NCKAP1: variants seen among roughly 807,000 people sequenced by gnomAD.
The protein encoded by NCKAP1 is NCK associated protein 1.
NCKAP1 carries 21 observed loss-of-function variants against 151.2 expected under a neutral mutation model. The ratio of observed to expected loss-of-function variants is 0.14; its 90% confidence interval spans 0.10 to 0.20. The LOEUF (loss-of-function observed/expected upper bound fraction) is 0.20, where lower values mean the gene tolerates loss of function less well. Ranked by LOEUF, NCKAP1 falls within the 10% of genes least tolerant of loss-of-function variation. NCKAP1 has a pLI of 1.00. For missense variants in NCKAP1, 933 were observed against 1,352.1 expected, an observed-to-expected ratio of 0.69 and a Z score of 4.86; for synonymous variants, 484 against 451.8, an observed-to-expected ratio of 1.07 and a Z score of -0.90.
At chr2:182,931,402 A>C (rs922075873) in intron 26 of NCKAP1, among the ~76,000 whole-genome samples, 2 of 152,096 alleles carry the variant, frequency 1.3e-5, no homozygotes, top group African/African-American at 4.8e-5. Context: ...GCGACAAAAA[A>C]CCTTAGTATA....
At chr2:182,936,474 T>C (rs1696878129) in intron 24 of NCKAP1, among the ~76,000 whole-genome samples, 1 of 152,150 alleles carries the variant, frequency 6.6e-6, no homozygotes, top group Admixed American at 6.5e-5. Context: ...ATAATTCCAT[T>C]TATGTAAACT....
chr2:182,951,636 C>A (rs1169933792), intron 23 of NCKAP1, among the ~76,000 whole-genome samples: 637 of 90,384 alleles, frequency 7.0e-3, no homozygotes, highest in African/African-American at 0.013. Context: ...GACTCCATCT[C>A]AAAAAAAAAA....
chr2:182,985,163 A>G (rs1018525117), intron 10 of NCKAP1, among the ~76,000 whole-genome samples: 2 of 152,220 alleles, frequency 1.3e-5, no homozygotes, highest in African/African-American at 2.4e-5. Context: ...CGATGAGTAA[A>G]GATGGTTTAA....
intron 23 of NCKAP1, among the ~76,000 whole-genome samples, chr2:182,944,013 C>G (rs750499386): frequency 1.3e-5 from 2 of 152,122 alleles, no homozygotes; most frequent in Non-Finnish European, 2.9e-5. Flanking sequence ...GGGTCCCAGC[C>G]CCAGAATTTC....
intron 24 of NCKAP1, among the ~76,000 whole-genome samples, chr2:182,939,658 CTG>C (rs1343586737): frequency 6.6e-6 from 1 of 152,056 alleles, no homozygotes; most frequent in Non-Finnish European, 1.5e-5. Flanking sequence ...TGCTTGTTGA[CTG>C]TGAAAAACTC....
Position 183,001,997 on chromosome 2 carries a change from T to G in NCKAP1, c.559A>C (p.Asn187His). ...RLGQMIVDYE[N>H]PLKKMMEEFV... is the part of the protein sequence containing the mutation. ...TCTTCCATCATCTTCTTTAAAGGGT[T>G]TTCATAATCCACAATCATCTGGCCA... Residue 187 changes from asparagine to histidine, a missense_variant, in exon 6 of 31, where the codon AAC (asparagine) becomes CAC (histidine). Physicochemically the swap from Asn to His is moderately conservative, Grantham distance 68. Around this residue, in one of 2 missense-constraint regions of NCKAP1, gnomAD observed 607 missense variants for 795.0 expected, o/e 0.76. Transcript: ENST00000361354. 6.2e-7 allele frequency: 1 copy of G among 1,613,892 alleles called. No homozygotes were observed. The highest frequency in any genetic ancestry group is 1.7e-5 in the Admixed American group (1 of 60,014).
chr2:182,946,116 CAT>C (rs1697097765), intron 23 of NCKAP1, among the ~76,000 whole-genome samples: 1 of 152,282 alleles, frequency 6.6e-6, no homozygotes, highest in South Asian at 2.1e-4. Context: ...ATCAAGTACA[CAT>C]AGATAGTGCA....
rs1696353463 is a variant in NCKAP1 at position 182,909,349 on chromosome 2, CTCT to C, written c.*16350_*16352del. On this transcript the variant is annotated 3_prime_UTR_variant, in exon 31 of 31. Transcript: ENST00000361354. ...AAACTCTGTTCCCTTCATACACCTT[CTCT>C]TCATTTCCCTCTCCTTGCCAGCCCC... is the stretch of plus-strand genomic sequence containing the variant. 1 of 152,180 alleles carries C rather than the reference CTCT, an allele frequency of 6.6e-6. No homozygotes were observed. The highest frequency in any genetic ancestry group is 6.5e-5 in the Admixed American group (1 of 15,274). 9.4% of individuals were successfully genotyped at this position (152,180 alleles called of 1,614,324 possible).
chr2:182,961,100 G>A (rs1697439859), intron 18 of NCKAP1, among the ~76,000 whole-genome samples: 1 of 152,198 alleles, frequency 6.6e-6, no homozygotes, highest in Admixed American at 6.5e-5. Flanking sequence ...TGGAGAAGAT[G>A]TGGAGAAATA....
chr2:183,007,860 C>A (rs750948968), intron 2 of NCKAP1, among the ~76,000 whole-genome samples: 1 of 152,204 alleles, frequency 6.6e-6, no homozygotes, highest in African/African-American at 2.4e-5. Flanking sequence ...TAACTGGTCT[C>A]TGTATTTCTC....
At chr2:182,978,761 A>C in intron 14 of NCKAP1, 73 bp downstream of exon 14, 1 of 861,180 alleles carries the variant, frequency 1.2e-6, no homozygotes, top group Non-Finnish European at 1.7e-6. Flanking sequence ...TTAATTGGTA[A>C]ATTATCTCCT....
chr2:182,948,880 C>T (rs1697159635), intron 23 of NCKAP1, among the ~76,000 whole-genome samples: 1 of 152,176 alleles, frequency 6.6e-6, no homozygotes, highest in Non-Finnish European at 1.5e-5. Context: ...TACTCTCACT[C>T]ATCACACCTT....
chr2:182,926,920 T>G lies in NCKAP1; in HGVS notation c.3181-15A>C. ...GAGGATGCAAGCTTAAAAGTATACA[T>G]ACACATAAAGTGAGTTTGTTAATAA... is the stretch of plus-strand genomic sequence containing the variant. On this transcript the variant is annotated splice_polypyrimidine_tract_variant and intron_variant, in intron 29 of 30. Coordinates refer to ENST00000361354, the MANE Select transcript of NCKAP1 (RefSeq NM_013436.5). The G allele has an allele frequency of 6.5e-7, 1 of 1,538,228 alleles. No homozygotes were observed. Among genetic ancestry groups the G allele is most frequent in the Non-Finnish European group, 8.9e-7 (1 of 1,119,570 alleles).
chr2:183,003,638 A>G (rs1052260487), intron 2 of NCKAP1, among the ~76,000 whole-genome samples: 2 of 152,178 alleles, frequency 1.3e-5, no homozygotes, highest in African/African-American at 4.8e-5. Flanking sequence ...AGTCATGAGC[A>G]TGATCACATT....
chr2:182,946,963 T>C (rs550659210), intron 23 of NCKAP1: 1 of 152,344 alleles, frequency 6.6e-6, no homozygotes, highest in Non-Finnish European at 1.5e-5. Context: ...AAAGGAAGGC[T>C]TGAGGCTGAA....
At chr2:182,929,762 GA>G (rs57842206) in intron 27 of NCKAP1, among the ~76,000 whole-genome samples, 36,898 of 132,004 alleles carry the variant, frequency 0.28, 5,973 homozygotes, top group African/African-American at 0.49. Context: ...ATTGTTAAAT[GA>G]AAAAAAAAAA....
intron 7 of NCKAP1, 23 bp from the exon 8 acceptor site, chr2:182,994,910 T>G (rs569565813): frequency 1.3e-6 from 2 of 1,573,198 alleles, no homozygotes; most frequent in Non-Finnish European, 1.7e-6. Context: ...ATATATACAT[T>G]TGCAGTTAAA....
chr2:182,942,897 A>G (rs925452366), intron 23 of NCKAP1, among the ~76,000 whole-genome samples: 1 of 152,172 alleles, frequency 6.6e-6, no homozygotes, highest in African/African-American at 2.4e-5. Flanking sequence ...CCTAGACAAC[A>G]ATAAACCGAG....
At position 183,005,828 on chromosome 2, in the gene NCKAP1, T is replaced by G. The variant is rs118180456; in HGVS notation, c.220-2503A>C. On this transcript the variant is annotated intron_variant, in intron 2 of 30. Coordinates refer to ENST00000361354, the MANE Select transcript of NCKAP1 (RefSeq NM_013436.5). ...TCCTGCTTTCTTACTGTTCCTCTAC[T>G]GGAATGTCAGAATCCCACCATTTAA... is the stretch of plus-strand genomic sequence containing the variant. 1.7e-3 allele frequency among the ~76,000 whole-genome samples: 257 copies of G among 152,280 alleles called. 6 individuals carry two copies. The East Asian group carries it at 0.042, about 25-fold the overall frequency.
Sources: allele counts gnomAD v4.1 joint callset (sites outside exome capture counted in the v4.1 genomes callset), GRCh38; gene constraint gnomAD v4.1.1; regional missense constraint gnomAD v4.1.1; transcripts MANE v1.5; gene names NCBI Gene and HGNC (gene_info 2026-07-23, HGNC 2026-07-21).